The following ASPRV1 variants were observed in gnomAD, a reference collection of about 807,000 sequenced individuals.
ASPRV1 encodes the protein aspartic peptidase retroviral like 1.
Under a neutral mutation model 11.0 loss-of-function variants are expected in ASPRV1, and 7 were observed. The ratio of observed to expected loss-of-function variants is 0.64; its 90% CI spans 0.36 to 1.20. ASPRV1 has a LOEUF of 1.20. ASPRV1 is among the 50% of genes most tolerant of loss of function. ASPRV1 has a pLI of 0.02. For synonymous variants in ASPRV1, 136 were observed against 138.4 expected, an observed-to-expected ratio of 0.98 and a Z score of 0.12; for missense variants, 299 against 320.0, an observed-to-expected ratio of 0.93 and a Z score of 0.50.
chr2:69,976,546 CTT>C, the ASPRV1 span: 1 of 152,262 alleles, frequency 6.6e-6, no homozygotes, highest in Non-Finnish European at 1.5e-5. Context: ...TGACACCAGA[CTT>C]TTCCCCAGAG....
At chr2:70,084,599 T>C in the ASPRV1 span, among the ~76,000 whole-genome samples, 4 of 152,374 alleles carry the variant, frequency 2.6e-5, no homozygotes, top group Middle Eastern at 3.4e-3. Context: ...AACTTATTAA[T>C]GGGTTTTTAA....
chr2:70,054,317 G>C, the ASPRV1 span: 2 of 144,910 alleles, frequency 1.4e-5, no homozygotes, highest in African/African-American at 5.2e-5. Flanking sequence ...GGTGGGCGCG[G>C]TGGCTCACAC....
the ASPRV1 span, among the ~76,000 whole-genome samples, chr2:69,947,634 T>C: frequency 0.22 from 33,457 of 152,014 alleles, 4,515 homozygotes; most frequent in Admixed American, 0.43. Context: ...GATACTGCCA[T>C]GCGGAATCAC....
chr2:70,025,060 T>C, the ASPRV1 span, among the ~76,000 whole-genome samples: 1 of 152,310 alleles, frequency 6.6e-6, no homozygotes, highest in East Asian at 1.9e-4. Flanking sequence ...GTCAATGTGA[T>C]TGGATGTATA....
the ASPRV1 span, among the ~76,000 whole-genome samples, chr2:69,967,346 G>A: frequency 1.3e-5 from 2 of 152,176 alleles, no homozygotes; most frequent in Non-Finnish European, 2.9e-5. Flanking sequence ...CCCGCAACCA[G>A]GTATCAGCCA....
At chr2:70,071,186 A>C in the ASPRV1 span, among the ~76,000 whole-genome samples, 1 of 152,164 alleles carries the variant, frequency 6.6e-6, no homozygotes, top group Non-Finnish European at 1.5e-5. Flanking sequence ...GCTCACCATC[A>C]ATTCATTCTT....
chr2:69,968,840 G>A, the ASPRV1 span, among the ~76,000 whole-genome samples: 25 of 152,236 alleles, frequency 1.6e-4, no homozygotes, highest in Middle Eastern at 3.4e-3. Context: ...TCTGTGTGGC[G>A]GCTGCTGAAC....
chr2:70,043,299 T>A, the ASPRV1 span, among the ~76,000 whole-genome samples: 1 of 152,080 alleles, frequency 6.6e-6, no homozygotes, highest in East Asian at 1.9e-4. Context: ...GCGCCTGTAA[T>A]CCCAGCTACT....
At chr2:69,994,530 G>A in the ASPRV1 span, among the ~76,000 whole-genome samples, 5 of 152,152 alleles carry the variant, frequency 3.3e-5, no homozygotes. Context: ...GTACAGTAAC[G>A]GGCAGCCTGG....
the ASPRV1 span, among the ~76,000 whole-genome samples, chr2:70,058,173 A>T: frequency 2.0e-5 from 3 of 152,206 alleles, no homozygotes; most frequent in Non-Finnish European, 2.9e-5. Flanking sequence ...AATACACATC[A>T]TCTTCTCAAT....
At chr2:70,001,589 C>T in the ASPRV1 span, among the ~76,000 whole-genome samples, 1 of 152,054 alleles carries the variant, frequency 6.6e-6, no homozygotes, top group Non-Finnish European at 1.5e-5. Context: ...GACACCCTGT[C>T]TCTATTAAAA....
the ASPRV1 span, among the ~76,000 whole-genome samples, chr2:69,952,554 G>GAAGAA: frequency 0.18 from 26,045 of 144,420 alleles, 2,910 homozygotes; most frequent in African/African-American, 0.3. Context: ...GAAGGGAAAG[G>GAAGAA]AAGAAAAGAA....
chr2:69,951,785 T>C, the ASPRV1 span, among the ~76,000 whole-genome samples: 6 of 152,058 alleles, frequency 3.9e-5, no homozygotes, highest in African/African-American at 1.4e-4. Context: ...GTTTTTTCTC[T>C]CCTAGTTTAT....
At chr2:70,046,217 A>T in the ASPRV1 span, 4 of 152,196 alleles carry the variant, frequency 2.6e-5, no homozygotes, top group Non-Finnish European at 4.4e-5. Context: ...TTTCCCTAGG[A>T]GGTTTCCAAC....
the ASPRV1 span, among the ~76,000 whole-genome samples, chr2:70,082,831 T>G: frequency 2.8e-4 from 42 of 152,166 alleles, no homozygotes; most frequent in Non-Finnish European, 5.1e-4. Context: ...GGGATAGAGG[T>G]GGCAGTGAGC....
chr2:69,981,789 C>T, the ASPRV1 span, among the ~76,000 whole-genome samples: 59 of 152,306 alleles, frequency 3.9e-4, no homozygotes, highest in African/African-American at 1.2e-3. Flanking sequence ...GAACTCATGA[C>T]CTCAAGTGAT....
the ASPRV1 span, among the ~76,000 whole-genome samples, chr2:69,948,577 G>A: frequency 6.6e-6 from 1 of 152,232 alleles, no homozygotes; most frequent in East Asian, 1.9e-4. Context: ...GAGGCTCCGG[G>A]CTGGCTGGGA....
chr2:69,991,321 C>G, the ASPRV1 span, among the ~76,000 whole-genome samples: 1 of 152,192 alleles, frequency 6.6e-6, no homozygotes. Flanking sequence ...CATAAGGAAC[C>G]CATGGAAAAC....
chr2:70,017,529 C>A, the ASPRV1 span, among the ~76,000 whole-genome samples: 1 of 151,822 alleles, frequency 6.6e-6, no homozygotes, highest in Non-Finnish European at 1.5e-5. Flanking sequence ...ATTGGAAATC[C>A]TAGCCAGAAC....
Sources: gnomAD v4.1 joint callset for allele counts (sites outside exome capture counted in the v4.1 genomes callset) on GRCh38, gnomAD v4.1.1 for gene constraint, MANE v1.5 for transcripts, NCBI Gene and HGNC (gene_info 2026-07-23, HGNC 2026-07-21) for gene names.